CLYBL: variants seen among roughly 807,000 people sequenced by gnomAD.
The protein encoded by CLYBL is citramalyl-CoA lyase, also known as citramalyl-CoA lyase, mitochondrial.
CLYBL carries 31 observed loss-of-function variants against 38.9 expected under a neutral mutation model. That is an observed-to-expected ratio of 0.80 (90% confidence interval 0.60 to 1.08). The LOEUF is 1.08. Ranked by LOEUF, CLYBL falls within the 50% of genes least tolerant of loss-of-function variation. The probability of loss-of-function intolerance (pLI) is 0.00; values close to 1 mark genes in which losing one functional copy is unlikely to be tolerated. For missense variants in CLYBL, 434 were observed against 411.6 expected, an observed-to-expected ratio of 1.05 and a Z score of -0.47; for synonymous variants, 171 against 158.6, an observed-to-expected ratio of 1.08 and a Z score of -0.59.
At chr13:99,618,403 G>A (rs950655308) in intron 1 of CLYBL, among the ~76,000 whole-genome samples, 5 of 151,938 alleles carry the variant, frequency 3.3e-5, no homozygotes, top group African/African-American at 1.2e-4. Context: ...CGAGTAGCTG[G>A]GATTACAGGT....
chr13:99,633,473 T>C (rs1425771406), intron 1 of CLYBL, among the ~76,000 whole-genome samples: 1 of 147,788 alleles, frequency 6.8e-6, no homozygotes, highest in East Asian at 2.0e-4. Context: ...AGGTGGAGGT[T>C]GCAGTGAGCC....
chr13:99,786,733 G>C (rs1331232768), intron 2 of CLYBL, among the ~76,000 whole-genome samples: 2 of 149,298 alleles, frequency 1.3e-5, no homozygotes, highest in African/African-American at 4.9e-5. Context: ...GTAATGGGAT[G>C]GCTGGGTCAA....
rs189643142 is a variant in CLYBL at position 99,773,005 on chromosome 13, A to G, written c.244A>G (p.Lys82Glu). ...CTGTGAGGATGGAGTGGCTGCAAACAAAAAGGTAATGGCATGATTTTAGTA... is the reference window on the plus strand; with the variant it reads ...CTGTGAGGATGGAGTGGCTGCAAACGAAAAGGTAATGGCATGATTTTAGTA... Reference protein sequence around the residue: ...LDCEDGVAANKKNEARLRIVK... With the variant: ...LDCEDGVAANEKNEARLRIVK... The change falls in exon 2 of 9, where the codon AAA becomes GAA. Residue 82 changes from lysine (K) to glutamate (E), a missense_variant. Coordinates refer to ENST00000339105, the MANE Select transcript of CLYBL (RefSeq NM_206808.5). 1.2e-6 allele frequency: 2 copies of G among 1,608,648 alleles called. No individual in the cohort carries two copies. Among genetic ancestry groups the G allele is most frequent in the South Asian group, 2.2e-5 (2 of 89,336 alleles).
Position 99,721,043 on chromosome 13 carries a change from T to G in CLYBL, c.63-51781T>G. Among the ~76,000 whole-genome samples the G allele has an allele frequency of 1.3e-5, 2 of 151,744 alleles. 1 individual carries two copies. Among genetic ancestry groups the G allele is most frequent in the Non-Finnish European group, 2.9e-5 (2 of 67,982 alleles). On this transcript the variant is annotated intron_variant, in intron 1 of 8. Coordinates refer to ENST00000339105, the MANE Select transcript of CLYBL (RefSeq NM_206808.5). ...CCATTCTGTAGTTCCCTAATTCTTT[T>G]TTTTTTTTTTTCTTTTTGAAATGGA... is the stretch of plus-strand genomic sequence containing the variant.
At chr13:99,742,703 T>C (rs1007836126) in intron 1 of CLYBL, among the ~76,000 whole-genome samples, 8 of 152,242 alleles carry the variant, frequency 5.3e-5, no homozygotes, top group Non-Finnish European at 1.2e-4. Flanking sequence ...ATAAATGTAC[T>C]CTGTATTTTC....
chr13:99,891,237 T>A, intron 7 of CLYBL, 81 bp from the exon 8 acceptor site: 1 of 1,037,750 alleles, frequency 9.6e-7, no homozygotes, highest in Non-Finnish European at 1.5e-6. Context: ...TCTAAAATGT[T>A]CTTGTTGCAC....
chr13:99,633,012 G>A (rs1477933282), intron 1 of CLYBL, among the ~76,000 whole-genome samples: 1 of 152,002 alleles, frequency 6.6e-6, no homozygotes, highest in Non-Finnish European at 1.5e-5. Flanking sequence ...GGCCCAGGTG[G>A]GTGGATCACT....
chr13:99,837,234 G>A (rs553970085), intron 2 of CLYBL, among the ~76,000 whole-genome samples: 5 of 152,188 alleles, frequency 3.3e-5, no homozygotes, highest in Non-Finnish European at 5.9e-5. Flanking sequence ...GATCGCTTGA[G>A]CCCAGGAGTT....
At chr13:99,855,023 C>G (rs993834567) in intron 2 of CLYBL, among the ~76,000 whole-genome samples, 12 of 152,192 alleles carry the variant, frequency 7.9e-5, no homozygotes, top group Admixed American at 7.9e-4. Context: ...TGCCAACTTC[C>G]TCTATGACCT....
At chr13:99,832,142 C>T in intron 2 of CLYBL, among the ~76,000 whole-genome samples, 1 of 152,320 alleles carries the variant, frequency 6.6e-6, no homozygotes, top group Non-Finnish European at 1.5e-5. Flanking sequence ...TTTTTAACAG[C>T]ACATTGTGTT....
At chr13:99,711,989 A>G (rs1162436541) in intron 1 of CLYBL, among the ~76,000 whole-genome samples, 1 of 152,160 alleles carries the variant, frequency 6.6e-6, no homozygotes, top group East Asian at 1.9e-4. Context: ...TGCTGGGATT[A>G]CAGGCGTGAG....
chr13:99,887,183 A>G (rs2052370804), intron 7 of CLYBL, among the ~76,000 whole-genome samples: 1 of 152,150 alleles, frequency 6.6e-6, no homozygotes, highest in Non-Finnish European at 1.5e-5. Flanking sequence ...GTCAACCTCT[A>G]GGTTTTCTGC....
chr13:99,675,323 A>ACATACTTTATGTGTC (rs1555351079), intron 1 of CLYBL, among the ~76,000 whole-genome samples: 2 of 151,858 alleles, frequency 1.3e-5, no homozygotes, highest in African/African-American at 2.4e-5. Context: ...CTATATGTGT[A>ACATACTTTATGTGTC]TATACTTTAT....
At chr13:99,696,629 T>A (rs569530473) in intron 1 of CLYBL, among the ~76,000 whole-genome samples, 1 of 151,966 alleles carries the variant, frequency 6.6e-6, no homozygotes, top group Non-Finnish European at 1.5e-5. Flanking sequence ...CTAGGAGGCC[T>A]AGACTTGGGA....
chr13:99,731,312 A>C (rs1278744040), intron 1 of CLYBL, among the ~76,000 whole-genome samples: 1 of 150,518 alleles, frequency 6.6e-6, no homozygotes, highest in African/African-American at 2.4e-5. Context: ...TGCAGAATAT[A>C]TGTCTATCTT....
intron 1 of CLYBL, among the ~76,000 whole-genome samples, chr13:99,699,280 G>A (rs2048025297): frequency 6.6e-6 from 1 of 152,050 alleles, no homozygotes; most frequent in East Asian, 1.9e-4. Context: ...AGCTACTCGA[G>A]AGGCTGAGGC....
intron 8 of CLYBL, among the ~76,000 whole-genome samples, chr13:99,903,014 A>G (rs994217089): frequency 1.1e-4 from 17 of 152,084 alleles, no homozygotes; most frequent in African/African-American, 4.1e-4. Flanking sequence ...GGATCTTTCT[A>G]TTTCCTGTGA....
chr13:99,821,655 T>C (rs2050591318), intron 2 of CLYBL, among the ~76,000 whole-genome samples: 1 of 152,248 alleles, frequency 6.6e-6, no homozygotes, highest in African/African-American at 2.4e-5. Context: ...CAGGAGGACT[T>C]AGTTCTCTTC....
chr13:99,698,679 A>T (rs2048015955), intron 1 of CLYBL, among the ~76,000 whole-genome samples: 1 of 152,210 alleles, frequency 6.6e-6, no homozygotes, highest in Non-Finnish European at 1.5e-5. Flanking sequence ...GTGTGGCTTT[A>T]TATGCATTTG....
Sources: allele counts gnomAD v4.1 joint callset (sites outside exome capture counted in the v4.1 genomes callset), GRCh38; gene constraint gnomAD v4.1.1; transcripts MANE v1.5; gene names NCBI Gene and HGNC (gene_info 2026-07-23, HGNC 2026-07-21).